The following XYLT1 variants were observed in gnomAD, a reference collection of about 807,000 sequenced individuals.
The protein encoded by XYLT1 is beta-D-xylosyltransferase 1.
Under a neutral mutation model 91.3 loss-of-function variants are expected in XYLT1, and 36 were observed. That is an observed-to-expected ratio of 0.39 (90% CI 0.30 to 0.52). The LOEUF (loss-of-function observed/expected upper bound fraction) is 0.52, where lower values mean the gene tolerates loss of function less well. XYLT1 is among the 20% of genes least tolerant of loss of function. XYLT1 has a pLI of 0.68. For missense variants in XYLT1, 1,242 were observed against 1,284.5 expected (o/e 0.97, Z 0.51); for synonymous variants, 588 against 532.0 (o/e 1.11, Z -1.45).
At chr16:17,321,788 C>T in intron 2 of XYLT1, among the ~76,000 whole-genome samples, 1 of 152,094 alleles carries the variant, frequency 6.6e-6, no homozygotes, top group African/African-American at 2.4e-5. Context: ...TCGGTAGAGA[C>T]CAGAGATGCT....
At chr16:17,400,109 C>G (rs1870081555) in intron 1 of XYLT1, among the ~76,000 whole-genome samples, 1 of 152,214 alleles carries the variant, frequency 6.6e-6, no homozygotes, top group Non-Finnish European at 1.5e-5. Context: ...CTGGCAACAG[C>G]AGCTTTCTCA....
At chr16:17,379,099 C>A (rs2035638339) in intron 1 of XYLT1, among the ~76,000 whole-genome samples, 1 of 152,212 alleles carries the variant, frequency 6.6e-6, no homozygotes, top group Admixed American at 6.5e-5. Context: ...GAAAAAAGTG[C>A]ATATTTCTTC....
intron 3 of XYLT1, among the ~76,000 whole-genome samples, chr16:17,215,547 T>G (rs1384815055): frequency 6.6e-5 from 10 of 152,136 alleles, no homozygotes; most frequent in African/African-American, 2.2e-4. Flanking sequence ...ATTCATAGCT[T>G]CCAAAATGGA....
chr16:17,360,417 T>A (rs1596502320), intron 1 of XYLT1, among the ~76,000 whole-genome samples: 1 of 152,338 alleles, frequency 6.6e-6, no homozygotes, highest in South Asian at 2.1e-4. Flanking sequence ...CTCTATTTGA[T>A]GTTCCAAAAT....
At chr16:17,469,404 C>T (rs1596564111) in intron 1 of XYLT1, among the ~76,000 whole-genome samples, 1 of 152,198 alleles carries the variant, frequency 6.6e-6, no homozygotes, top group Admixed American at 6.5e-5. Flanking sequence ...GAACTCACGC[C>T]CCTGGAGAAC....
At chr16:17,334,643 C>G (rs866074828) in intron 2 of XYLT1, among the ~76,000 whole-genome samples, 6 of 152,122 alleles carry the variant, frequency 3.9e-5, no homozygotes, top group Admixed American at 2.0e-4. Flanking sequence ...TGCAGTCTAG[C>G]AAGGACAGTG....
chr16:17,463,089 T>G (rs558529763), intron 1 of XYLT1, among the ~76,000 whole-genome samples: 1 of 152,062 alleles, frequency 6.6e-6, no homozygotes, highest in African/African-American at 2.4e-5. Context: ...CAAAATAGAT[T>G]AAAGACTTAA....
At chr16:17,316,429 C>A (rs2034633818) in intron 2 of XYLT1, among the ~76,000 whole-genome samples, 2 of 152,146 alleles carry the variant, frequency 1.3e-5, no homozygotes, top group African/African-American at 4.8e-5. Context: ...GACAGTCTCT[C>A]TCTGTCGCCC....
At chr16:17,117,609 G>A (rs754087561) in intron 11 of XYLT1, 37 bp downstream of exon 11, 1 of 1,582,752 alleles carries the variant, frequency 6.3e-7, no homozygotes, top group Non-Finnish European at 8.6e-7. Context: ...CCCCAGGGAA[G>A]GAGTATTTCT....
intron 3 of XYLT1, among the ~76,000 whole-genome samples, chr16:17,208,721 T>C (rs1412319118): frequency 6.6e-6 from 1 of 152,166 alleles, no homozygotes; most frequent in Non-Finnish European, 1.5e-5. Context: ...ACATATAATT[T>C]ACTATTTTAG....
chr16:17,418,162 G>T (rs527386227), intron 1 of XYLT1, among the ~76,000 whole-genome samples: 1 of 152,176 alleles, frequency 6.6e-6, no homozygotes, highest in Non-Finnish European at 1.5e-5. Context: ...TTACGTTAGA[G>T]AACTATTTGT....
chr16:17,246,575 A>G (rs140526519), intron 3 of XYLT1, among the ~76,000 whole-genome samples: 1,950 of 152,308 alleles, frequency 0.013, 22 homozygotes, highest in Admixed American at 0.027. Flanking sequence ...TGGGCAAGCT[A>G]CTTAACCTCT....
chr16:17,192,875 C>A (rs139832905), intron 5 of XYLT1: 3 of 144,990 alleles, frequency 2.1e-5, no homozygotes, highest in African/African-American at 7.8e-5. Context: ...CGCGGTGGTA[C>A]GATCTCGGCT....
chr16:17,293,522 C>T (rs912810481), intron 2 of XYLT1, among the ~76,000 whole-genome samples: 29 of 113,428 alleles, frequency 2.6e-4, no homozygotes, highest in African/African-American at 9.4e-4. Flanking sequence ...TTTTTTGAGA[C>T]TGAGTCTCCT....
intron 10 of XYLT1, among the ~76,000 whole-genome samples, chr16:17,123,295 G>A (rs1185362750): frequency 6.6e-6 from 1 of 152,088 alleles, no homozygotes; most frequent in African/African-American, 2.4e-5. Flanking sequence ...TCCTTGGTGG[G>A]TTTGGGTTTG....
At chr16:17,351,749 T>TGG (rs67167449) in intron 2 of XYLT1, among the ~76,000 whole-genome samples, 6,079 of 134,690 alleles carry the variant, frequency 0.045, 487 homozygotes, top group African/African-American at 0.12. Context: ...GCTTTTTTTT[T>TGG]GGGGGGGGGT....
chr16:17,137,448 C>T lies in XYLT1; in HGVS notation c.1764+907G>A, dbSNP rs368647247. 6.6e-5 allele frequency: 10 copies of T among 152,380 alleles called. No homozygotes were observed. The East Asian group carries it at 1.9e-3, about 29-fold the overall frequency. 9.4% of individuals were successfully genotyped at this position (152,380 alleles called of 1,614,324 possible). A position where few individuals can be genotyped will look rare whatever the true frequency, so the allele number is the denominator to read the frequency against. On this transcript the variant is annotated intron_variant, in intron 8 of 11. Transcript: ENST00000261381. ...GTAGCATACCGTCTCTACACGGTGG[C>T]TCTAGTGACCTCAGAGTGATTCGCT...
At position 17,108,505 on chromosome 16, in the gene XYLT1, C is replaced by T; in HGVS notation, c.*190G>A. ...AGGGACTGAGCCATCCCACCCGCAG[C>T]TTGCCAAAGGCAGGTTGTTGGCTGA... On this transcript the variant is annotated 3_prime_UTR_variant, in exon 12 of 12. Coordinates refer to ENST00000261381, the MANE Select transcript of XYLT1 (RefSeq NM_022166.4). 1 of 566,314 alleles carries T rather than the reference C, an allele frequency of 1.8e-6. No homozygotes were observed. Among genetic ancestry groups the T allele is most frequent in the Non-Finnish European group, 3.0e-6 (1 of 332,666 alleles). 35.1% of individuals were successfully genotyped at this position (566,314 alleles called of 1,614,324 possible).
intron 2 of XYLT1, among the ~76,000 whole-genome samples, chr16:17,331,680 AT>A (rs2034900981): frequency 6.6e-6 from 1 of 152,170 alleles, no homozygotes; most frequent in South Asian, 2.1e-4. Context: ...CATTTTATTG[AT>A]GGGCACACTG....
Sources: allele counts gnomAD v4.1 joint callset (sites outside exome capture counted in the v4.1 genomes callset), GRCh38; gene constraint gnomAD v4.1.1; transcripts MANE v1.5; gene names NCBI Gene and HGNC (gene_info 2026-07-23, HGNC 2026-07-21).